The following RARB variants were observed in gnomAD, a reference collection of about 807,000 sequenced individuals.
RARB encodes HBV-activated protein.
RARB carries 17 observed loss-of-function variants against 51.9 expected under a neutral mutation model. The ratio of observed to expected loss-of-function variants is 0.33; its 90% CI spans 0.22 to 0.49. RARB has a LOEUF of 0.49. Among genes scored for constraint, RARB ranks in the 20% least tolerant of loss-of-function variants. RARB has a pLI of 0.99. For synonymous variants in RARB, 215 were observed against 195.4 expected (o/e 1.10, Z -0.84); for missense variants, 369 against 550.8 (o/e 0.67, Z 3.30).
At chr3:25,297,774 T>C (rs988429684) in intron 5 of RARB, among the ~76,000 whole-genome samples, 4 of 152,184 alleles carry the variant, frequency 2.6e-5, no homozygotes, top group Non-Finnish European at 4.4e-5. Flanking sequence ...AGACAAATCA[T>C]TGGAAGAACA....
chr3:24,910,752 C>T (rs1694974631), intron 2 of RARB, among the ~76,000 whole-genome samples: 1 of 152,262 alleles, frequency 6.6e-6, no homozygotes, highest in South Asian at 2.1e-4. Flanking sequence ...CAACCCGATG[C>T]AGAAAAGACC....
At chr3:25,212,239 A>G (rs563853393) in intron 5 of RARB, among the ~76,000 whole-genome samples, 3 of 152,232 alleles carry the variant, frequency 2.0e-5, no homozygotes, top group South Asian at 4.1e-4. Flanking sequence ...AATAAGCTCA[A>G]TGCATAAATA....
chr3:25,046,953 T>C (rs1698230345), intron 2 of RARB, among the ~76,000 whole-genome samples: 1 of 152,190 alleles, frequency 6.6e-6, no homozygotes, highest in African/African-American at 2.4e-5. Flanking sequence ...TCCTAGAACA[T>C]AGCAGGGAGA....
At chr3:25,540,631 A>G (rs904460870) in intron 3 of RARB, among the ~76,000 whole-genome samples, 8 of 152,222 alleles carry the variant, frequency 5.3e-5, no homozygotes, top group Admixed American at 3.9e-4. Context: ...ACATGGTCAC[A>G]GCGTCCTATA....
intron 2 of RARB, among the ~76,000 whole-genome samples, chr3:24,882,208 T>C (rs1703181194): frequency 1.3e-5 from 2 of 152,158 alleles, no homozygotes; most frequent in Non-Finnish European, 2.9e-5. Context: ...GCAGAACAAG[T>C]AGCTAAGAGA....
At chr3:25,033,468 C>T (rs1697916145) in intron 2 of RARB, among the ~76,000 whole-genome samples, 1 of 152,094 alleles carries the variant, frequency 6.6e-6, no homozygotes, top group African/African-American at 2.4e-5. Flanking sequence ...ACCTCCAGTC[C>T]CTGAAATGGG....
intron 2 of RARB, among the ~76,000 whole-genome samples, chr3:24,861,727 G>T (rs979611422): frequency 6.6e-6 from 1 of 152,102 alleles, no homozygotes; most frequent in African/African-American, 2.4e-5. Context: ...ATCTGCTTCT[G>T]CATTCAAGCT....
intron 1 of RARB, among the ~76,000 whole-genome samples, chr3:25,452,729 A>G (rs1456169488): frequency 6.6e-6 from 1 of 152,188 alleles, no homozygotes; most frequent in Non-Finnish European, 1.5e-5. Context: ...ATAAAGTCTG[A>G]AAGGATTGTT....
intron 5 of RARB, among the ~76,000 whole-genome samples, chr3:25,393,253 C>T (rs574943263): frequency 2.0e-5 from 3 of 151,876 alleles, no homozygotes; most frequent in South Asian, 4.2e-4. Flanking sequence ...TTGATCATTG[C>T]GGATTATCTT....
chr3:24,962,944 A>G (rs931719462), intron 2 of RARB, among the ~76,000 whole-genome samples: 2 of 152,172 alleles, frequency 1.3e-5, no homozygotes, highest in Non-Finnish European at 1.5e-5. Flanking sequence ...AGAGTGGTTA[A>G]GTAATTTGCC....
chr3:25,201,634 G>A (rs1365847987), intron 5 of RARB, among the ~76,000 whole-genome samples: 2 of 152,156 alleles, frequency 1.3e-5, no homozygotes, highest in Non-Finnish European at 2.9e-5. Flanking sequence ...AGAGTTTTTA[G>A]CATGAAGCGT....
At chr3:25,214,755 C>A (rs1284669259) in intron 5 of RARB, among the ~76,000 whole-genome samples, 1 of 152,136 alleles carries the variant, frequency 6.6e-6, no homozygotes, top group East Asian at 1.9e-4. Flanking sequence ...ACATTGCTTC[C>A]CATCTTTGAG....
chr3:24,899,650 A>C (rs1002767265), intron 2 of RARB, among the ~76,000 whole-genome samples: 2 of 152,124 alleles, frequency 1.3e-5, no homozygotes, highest in East Asian at 3.9e-4. Flanking sequence ...TCCCCTGATG[A>C]ATGGTTGTTT....
chr3:25,541,783 C>T (rs769449802), intron 3 of RARB, among the ~76,000 whole-genome samples: 1 of 152,278 alleles, frequency 6.6e-6, no homozygotes, highest in Admixed American at 6.5e-5. Context: ...TCTTTACCTT[C>T]GAATTTGGTC....
intron 5 of RARB, among the ~76,000 whole-genome samples, chr3:25,245,469 T>A (rs183697801): frequency 9.7e-4 from 147 of 152,326 alleles, no homozygotes; most frequent in African/African-American, 3.3e-3. Flanking sequence ...ATTTAGTGTT[T>A]CCTTAAGGAG....
chr3:24,882,026 T>A (rs1703176935), intron 2 of RARB, among the ~76,000 whole-genome samples: 1 of 152,168 alleles, frequency 6.6e-6, no homozygotes, highest in Non-Finnish European at 1.5e-5. Flanking sequence ...GCCATAACAA[T>A]GAAAAATTGA....
chr3:24,917,505 A>G (rs1695131110), intron 2 of RARB, among the ~76,000 whole-genome samples: 1 of 152,236 alleles, frequency 6.6e-6, no homozygotes, highest in African/African-American at 2.4e-5. Context: ...TCACTTCATC[A>G]AAGAATGTAA....
intron 3 of RARB, among the ~76,000 whole-genome samples, chr3:25,070,871 G>A (rs1175596754): frequency 6.6e-6 from 1 of 152,200 alleles, no homozygotes; most frequent in Non-Finnish European, 1.5e-5. Flanking sequence ...TAGTACTGGT[G>A]TCTCTATTGC....
intron 5 of RARB, among the ~76,000 whole-genome samples, chr3:25,293,597 T>A (rs1209248487): frequency 7.3e-5 from 5 of 68,644 alleles, no homozygotes; most frequent in Non-Finnish European, 9.2e-5. Flanking sequence ...TTACTCCATT[T>A]AAAAAAAAAA....
Sources: allele counts gnomAD v4.1 joint callset (sites outside exome capture counted in the v4.1 genomes callset), GRCh38; gene constraint gnomAD v4.1.1; transcripts MANE v1.5; gene names NCBI Gene and HGNC (gene_info 2026-07-23, HGNC 2026-07-21).